The following FAM227B variants were observed in gnomAD, a reference collection of about 807,000 sequenced individuals.
The protein encoded by FAM227B is protein FAM227B.
In FAM227B, 88 loss-of-function variants were observed where a neutral mutation model predicts 73.8. That is an observed-to-expected ratio of 1.19 (90% CI 1.00 to 1.42). The LOEUF is 1.42. FAM227B is among the 40% of genes most tolerant of loss of function. FAM227B has a pLI of 0.00. For missense variants in FAM227B, 632 were observed against 590.9 expected (o/e 1.07, Z -0.72); for synonymous variants, 210 against 190.5 (o/e 1.10, Z -0.84).
intron 10 of FAM227B, among the ~76,000 whole-genome samples, chr15:49,538,523 T>A (rs1204318230): frequency 6.6e-6 from 1 of 152,098 alleles, no homozygotes; most frequent in Non-Finnish European, 1.5e-5. Context: ...TACCAGGGGG[T>A]GCAAATGCTC....
chr15:49,348,970 G>A (rs544537315), intron 13 of FAM227B, among the ~76,000 whole-genome samples: 16 of 151,978 alleles, frequency 1.1e-4, no homozygotes, highest in East Asian at 3.9e-4. Flanking sequence ...TTATTCTTCC[G>A]TTGAGTCATG....
chr15:49,459,783 G>C (rs2053629991), intron 11 of FAM227B, among the ~76,000 whole-genome samples: 1 of 152,068 alleles, frequency 6.6e-6, no homozygotes, highest in Admixed American at 6.6e-5. Flanking sequence ...GCTGGAGATG[G>C]CTCATCCCGG....
At position 49,347,806 on chromosome 15, in the gene FAM227B, G is replaced by A. The variant is rs569938782; in HGVS notation, c.1272-12310C>T. 1.8e-3 allele frequency among the ~76,000 whole-genome samples: 273 copies of A among 152,148 alleles called. 2 individuals are homozygous for A. Among genetic ancestry groups the A allele is most frequent in the Admixed American group, 4.1e-3 (62 of 15,278 alleles). On this transcript the variant is annotated intron_variant, in intron 13 of 15. Transcript: ENST00000299338. ...GGCTAAGGTGGGTGGATCACCTGAG[G>A]TCAGGAGTTCAAGACCAGCCTGGCC...
At chr15:49,473,718 G>A (rs2054995713) in intron 11 of FAM227B, among the ~76,000 whole-genome samples, 1 of 152,128 alleles carries the variant, frequency 6.6e-6, no homozygotes, top group Admixed American at 6.5e-5. Context: ...AAAAATAAGT[G>A]AGCTAATTTT....
At chr15:49,492,582 A>G (rs561531635) in intron 11 of FAM227B, among the ~76,000 whole-genome samples, 1 of 152,062 alleles carries the variant, frequency 6.6e-6, no homozygotes, top group Admixed American at 6.6e-5. Context: ...GAAAAAAGAA[A>G]AATGTTACTT....
chr15:49,355,672 T>C (rs1596462793), intron 13 of FAM227B, among the ~76,000 whole-genome samples: 1 of 151,738 alleles, frequency 6.6e-6, no homozygotes, highest in Non-Finnish European at 1.5e-5. Context: ...CTCTGCAGGA[T>C]ATTATCCAGG....
chr15:49,327,330 G>C lies in FAM227B; in HGVS notation c.*1238C>G, dbSNP rs1222751914. 3 of 152,178 alleles carry C rather than the reference G, an allele frequency of 2.0e-5. No individual in the cohort carries two copies. The highest frequency in any genetic ancestry group is 4.8e-5 in the African/African-American group (2 of 41,430). 9.4% of individuals were successfully genotyped at this position (152,178 alleles called of 1,614,324 possible). ...GCCCTCTGCTTTGTGGAAAGGCTTGGTTAATTTTCCATTAGAGATTCAACC... is the reference window on the plus strand; with the variant it reads ...GCCCTCTGCTTTGTGGAAAGGCTTGCTTAATTTTCCATTAGAGATTCAACC... On this transcript the variant is annotated 3_prime_UTR_variant, in exon 16 of 16. Coordinates refer to ENST00000299338, the MANE Select transcript of FAM227B (RefSeq NM_152647.3).
At chr15:49,354,901 G>C (rs936560799) in intron 13 of FAM227B, among the ~76,000 whole-genome samples, 2 of 152,158 alleles carry the variant, frequency 1.3e-5, no homozygotes, top group Middle Eastern at 3.4e-3. Flanking sequence ...CTGAGAACGG[G>C]CAGACTGCCT....
At chr15:49,509,125 C>A (rs574443824) in intron 10 of FAM227B, among the ~76,000 whole-genome samples, 123 of 152,216 alleles carry the variant, frequency 8.1e-4, no homozygotes, top group African/African-American at 2.9e-3. Flanking sequence ...TAGGAGCTAC[C>A]CCTATCTGGT....
chr15:49,416,106 C>A (rs2151708220), intron 11 of FAM227B, among the ~76,000 whole-genome samples: 1 of 151,280 alleles, frequency 6.6e-6, no homozygotes, highest in African/African-American at 2.4e-5. Context: ...TTCATATTAG[C>A]CTTCATTCAG....
chr15:49,583,592 C>T (rs1350568529), intron 5 of FAM227B, among the ~76,000 whole-genome samples: 1 of 150,576 alleles, frequency 6.6e-6, no homozygotes, highest in Non-Finnish European at 1.5e-5. Context: ...TGGGGCTCCT[C>T]TGTCTATGGA....
At chr15:49,556,237 A>ATT (rs559614277) in intron 9 of FAM227B, among the ~76,000 whole-genome samples, 10 of 151,038 alleles carry the variant, frequency 6.6e-5, no homozygotes, top group East Asian at 2.0e-4. Context: ...CTTTCTTTGG[A>ATT]TTTTTTTTTC....
At chr15:49,480,474 ATTT>A (rs35283556) in intron 11 of FAM227B, among the ~76,000 whole-genome samples, 3 of 100,908 alleles carry the variant, frequency 3.0e-5, no homozygotes, top group Admixed American at 1.3e-4. Context: ...TGCCCAACTA[ATTT>A]TTTTTTTTTT....
intron 3 of FAM227B, among the ~76,000 whole-genome samples, chr15:49,601,904 T>C (rs1285322063): frequency 6.6e-6 from 1 of 152,210 alleles, no homozygotes; most frequent in African/African-American, 2.4e-5. Flanking sequence ...TGTTTGTCTT[T>C]CTGTGCCTGG....
intron 10 of FAM227B, among the ~76,000 whole-genome samples, chr15:49,538,075 A>G (rs961806107): frequency 3.3e-5 from 5 of 152,302 alleles, no homozygotes; most frequent in Middle Eastern, 3.4e-3. Flanking sequence ...TTTTGAAAGC[A>G]ATAAGGTAAA....
At chr15:49,480,496 T>TC (rs2055838626) in intron 11 of FAM227B, among the ~76,000 whole-genome samples, 1 of 135,958 alleles carries the variant, frequency 7.4e-6, no homozygotes, top group Admixed American at 7.4e-5. Flanking sequence ...TTTTTTTTTT[T>TC]GGTGAGACGG....
intron 11 of FAM227B, among the ~76,000 whole-genome samples, chr15:49,399,778 A>G (rs1596900781): frequency 2.7e-5 from 3 of 111,358 alleles, no homozygotes; most frequent in Non-Finnish European, 4.2e-5. Context: ...ATGCAGAAAA[A>G]GCCTTTGACA....
intron 10 of FAM227B, among the ~76,000 whole-genome samples, chr15:49,529,555 T>C (rs2060461230): frequency 6.6e-6 from 1 of 151,736 alleles, no homozygotes. Context: ...CTTGAGATAA[T>C]TGTAGATGTA....
chr15:49,564,692 T>C (rs1488698103), intron 9 of FAM227B, among the ~76,000 whole-genome samples: 3 of 152,148 alleles, frequency 2.0e-5, no homozygotes, highest in Non-Finnish European at 4.4e-5. Flanking sequence ...TTTGCAGCAA[T>C]GTGGTTGCAG....
Sources: allele counts gnomAD v4.1 joint callset (sites outside exome capture counted in the v4.1 genomes callset), GRCh38; gene constraint gnomAD v4.1.1; transcripts MANE v1.5; gene names NCBI Gene and HGNC (gene_info 2026-07-23, HGNC 2026-07-21).